PAX7: variants seen among roughly 807,000 people sequenced by gnomAD.
The protein encoded by PAX7 is paired box protein Pax-7.
Under a neutral mutation model 50.7 loss-of-function variants are expected in PAX7, and 18 were observed. The ratio of observed to expected loss-of-function variants is 0.36; its 90% CI spans 0.25 to 0.53. The LOEUF is 0.53. Ranked by LOEUF, PAX7 falls within the 20% of genes least tolerant of loss-of-function variation. PAX7 has a pLI of 0.93. For synonymous variants in PAX7, 310 were observed against 290.4 expected (o/e 1.07, Z -0.69); for missense variants, 644 against 702.9 (o/e 0.92, Z 0.95).
At chr1:18,661,210 CA>C (rs1183427610) in intron 4 of PAX7, among the ~76,000 whole-genome samples, 1 of 152,078 alleles carries the variant, frequency 6.6e-6, no homozygotes, top group African/African-American at 2.4e-5. Flanking sequence ...GGTAGACAGG[CA>C]AACAGATATC....
intron 4 of PAX7, among the ~76,000 whole-genome samples, chr1:18,652,099 C>T (rs556793141): frequency 1.7e-4 from 25 of 150,298 alleles, no homozygotes; most frequent in African/African-American, 5.4e-4. Context: ...CGGGCAGCAG[C>T]GGAAAGGCTG....
At position 18,700,491 on chromosome 1, in the gene PAX7, A is replaced by G. The variant is rs1252661044; in HGVS notation, c.787-162A>G. On this transcript the variant is annotated intron_variant, in intron 5 of 8. Transcript: ENST00000420770. This position sits in a 1 kb window ranked among gnomAD's most constrained non-coding sequence, Gnocchi z 4.8. ...GGGCAGAATGGGGTCATACCTATGA[A>G]ATCACTCTGCAAAGCGTCCTGTGCT... is the stretch of plus-strand genomic sequence containing the variant. 1.3e-5 allele frequency among the ~76,000 whole-genome samples: 2 copies of G among 152,168 alleles called. No individual in the cohort carries two copies. Among genetic ancestry groups the G allele is most frequent in the African/African-American group, 4.8e-5 (2 of 41,444 alleles).
At position 18,735,724 on chromosome 1, in the gene PAX7, C is replaced by T; in HGVS notation, c.1248C>T (p.Ala416=). The change falls in exon 8 of 9, where the codon GCC becomes GCT. Residue 416 remains alanine, a synonymous_variant. Transcript: ENST00000420770. This position sits in a 1 kb window ranked among gnomAD's most constrained non-coding sequence, Gnocchi z 4.0. ...CGCTGCATGGCGGCCTGGACTCGGC[C>T]ACCTCCATCTCAGCCAGCTGCAGCC... is the stretch of plus-strand genomic sequence containing the variant. The part of the protein sequence containing the change: ...ISPLHGGLDS[A]TSISASCSQR... 1 of 1,614,112 alleles carries T rather than the reference C, an allele frequency of 6.2e-7. No homozygotes were observed. Among genetic ancestry groups the T allele is most frequent in the Non-Finnish European group, 8.5e-7 (1 of 1,180,018 alleles).
intron 4 of PAX7, among the ~76,000 whole-genome samples, chr1:18,681,288 G>T (rs2088896145): frequency 6.6e-6 from 1 of 150,908 alleles, no homozygotes; most frequent in Non-Finnish European, 1.5e-5. Context: ...ATTCACAGCT[G>T]CCACCCCTTC....
chr1:18,691,643 A>G, intron 4 of PAX7, 111 bp from the exon 5 acceptor site: 2 of 827,800 alleles, frequency 2.4e-6, no homozygotes, highest in South Asian at 3.4e-5. Context: ...ATCGAAGTGC[A>G]GTCATGGGTC....
intron 4 of PAX7, among the ~76,000 whole-genome samples, chr1:18,658,876 C>G (rs1469821877): frequency 1.3e-5 from 2 of 152,214 alleles, no homozygotes; most frequent in Admixed American, 1.3e-4. Flanking sequence ...CTTGCTCAAA[C>G]AAGCCAGGGT....
Position 18,725,418 on chromosome 1 carries a change from C to T in PAX7, c.1156-10214C>T, listed in dbSNP as rs372917301. Among the ~76,000 whole-genome samples the T allele has an allele frequency of 7.2e-5, 11 of 152,168 alleles. No individual in the cohort carries two copies. The East Asian group carries it at 2.1e-3, about 30-fold the overall frequency. ...AAGGAGGCCCTCCTCCCTCCCCTCT[C>T]CTTCCTCCCGCCTGCCCCTCCTCCC... On this transcript the variant is annotated intron_variant, in intron 7 of 8. Transcript: ENST00000420770.
At chr1:18,677,937 C>G (rs2088846570) in intron 4 of PAX7, among the ~76,000 whole-genome samples, 1 of 151,594 alleles carries the variant, frequency 6.6e-6, no homozygotes, top group Non-Finnish European at 1.5e-5. Flanking sequence ...CAAAAATTAG[C>G]CGGGCGTGGT....
Position 18,631,409 on chromosome 1 carries a change from TC to T in PAX7, c.-191del. The T allele has an allele frequency of 1.7e-6, 1 of 586,608 alleles. No individual in the cohort carries two copies. Among genetic ancestry groups the T allele is most frequent in the Non-Finnish European group, 3.1e-6 (1 of 325,574 alleles). The allele number at this position is 586,608 out of a possible 1,614,324, so 36.3% of individuals were successfully genotyped here. A position where few individuals can be genotyped will look rare whatever the true frequency, so the allele number is the denominator to read the frequency against. ...CAACCTCCACCCCACCTCACCCCCCTCCCCAGCTTCTGGACGCGTTTGACTG... is the reference window on the plus strand; with the variant it reads ...CAACCTCCACCCCACCTCACCCCCCTCCCAGCTTCTGGACGCGTTTGACTG... On this transcript the variant is annotated 5_prime_UTR_variant, in exon 1 of 9. Transcript: ENST00000420770.
chr1:18,695,685 C>T (rs1165054448), intron 5 of PAX7, among the ~76,000 whole-genome samples: 1 of 152,224 alleles, frequency 6.6e-6, no homozygotes, highest in African/African-American at 2.4e-5. Context: ...GGACCCATGA[C>T]TCCTTTCTCT....
chr1:18,639,395 A>T (rs1191981147), intron 4 of PAX7, among the ~76,000 whole-genome samples: 8 of 149,318 alleles, frequency 5.4e-5, no homozygotes, highest in East Asian at 2.0e-4. Flanking sequence ...GGCTGTTCAT[A>T]TTTTTTTTTT....
In PAX7 at chr1:18,743,397, G is replaced by A. The variant is rs575934018; in HGVS notation, c.1403-1417G>A. On this transcript the variant is annotated intron_variant, in intron 8 of 8. Coordinates refer to ENST00000420770, the MANE Select transcript of PAX7 (RefSeq NM_001135254.2). ...CTCCCTGGCCTCATCCTCAGGCCGT[G>A]CGTATCACCTTTTGGCTCCACCCAC... is the stretch of plus-strand genomic sequence containing the variant. 3.9e-5 allele frequency among the ~76,000 whole-genome samples: 6 copies of A among 152,340 alleles called. No homozygotes were observed. The South Asian group carries it at 1.2e-3, about 32-fold the overall frequency.
chr1:18,745,671 C>T lies in PAX7; in HGVS notation c.*742C>T, dbSNP rs893301286. ...GGGTGGGGCTTGTCAGCCGTGGGCCCGCCCAGGATACAAGGACCCAACTCA... is the reference window on the plus strand; with the variant it reads ...GGGTGGGGCTTGTCAGCCGTGGGCCTGCCCAGGATACAAGGACCCAACTCA... On this transcript the variant is annotated 3_prime_UTR_variant, in exon 9 of 9. Coordinates refer to ENST00000420770, the MANE Select transcript of PAX7 (RefSeq NM_001135254.2). The T allele has an allele frequency of 8.7e-6, 2 of 230,986 alleles. No homozygotes were observed. The highest frequency in any genetic ancestry group is 1.7e-5 in the Non-Finnish European group (2 of 116,754). The allele number at this position is 230,986 out of a possible 1,614,324, so 14.3% of individuals were successfully genotyped here.
At chr1:18,691,666 G>A (rs969494746) in intron 4 of PAX7, 88 bp from the exon 5 acceptor site, 19 of 1,177,120 alleles carry the variant, frequency 1.6e-5, no homozygotes, top group South Asian at 5.6e-5. Flanking sequence ...AGGTGGGCAC[G>A]AGTGTGCCTT....
intron 8 of PAX7, among the ~76,000 whole-genome samples, chr1:18,742,648 G>T (rs947730362): frequency 1.3e-5 from 2 of 152,194 alleles, no homozygotes; most frequent in African/African-American, 4.8e-5. Context: ...TACCAACTGG[G>T]AGCCTGGAGG....
Position 18,631,119 on chromosome 1 carries a change from A to T in PAX7, c.-485A>T, listed in dbSNP as rs1038374505. 1.3e-5 allele frequency: 3 copies of T among 231,576 alleles called. No homozygotes were observed. The highest frequency in any genetic ancestry group is 1.7e-5 in the Non-Finnish European group (2 of 117,160). 14.3% of individuals were successfully genotyped at this position (231,576 alleles called of 1,614,324 possible). On this transcript the variant is annotated 5_prime_UTR_variant, in exon 1 of 9. Transcript: ENST00000420770. ...ATAAATAAATACGAGAACGAAATCC[A>T]CTCCGCAGTCTCCGGGCTCGGAAAC...
intron 4 of PAX7, among the ~76,000 whole-genome samples, chr1:18,652,186 G>C (rs1398036236): frequency 6.6e-6 from 1 of 151,050 alleles, no homozygotes; most frequent in African/African-American, 2.4e-5. Context: ...TAGAGGGTGG[G>C]AGGGGAAGGG....
intron 4 of PAX7, among the ~76,000 whole-genome samples, chr1:18,668,908 C>A (rs1161658066): frequency 6.6e-6 from 1 of 152,192 alleles, no homozygotes; most frequent in Non-Finnish European, 1.5e-5. Flanking sequence ...TGGAGCAGGA[C>A]CCTGGCTGGT....
rs1361940974 is a variant in PAX7 at position 18,634,266 on chromosome 1, C to T, written c.86-37C>T. 5 of 1,541,098 alleles carry T rather than the reference C, an allele frequency of 3.2e-6. No homozygotes were observed. The highest frequency in any genetic ancestry group is 3.6e-6 in the Non-Finnish European group (4 of 1,120,794). Reference sequence around the variant, plus strand: ...GTGTCTGCTCTCCATCCTCACCCTGCACCTCTCTCCTTCTGCATCTCCCCT... The same window carrying T: ...GTGTCTGCTCTCCATCCTCACCCTGTACCTCTCTCCTTCTGCATCTCCCCT... On this transcript the variant is annotated intron_variant, in intron 1 of 8. Transcript: ENST00000420770. The surrounding 1 kb of genome is among the most constrained non-coding windows in gnomAD (Gnocchi z 4.0).
Sources: allele counts gnomAD v4.1 joint callset (sites outside exome capture counted in the v4.1 genomes callset), GRCh38; gene constraint gnomAD v4.1.1; non-coding constraint Gnocchi (gnomAD v3.1); transcripts MANE v1.5; gene names NCBI Gene and HGNC (gene_info 2026-07-23, HGNC 2026-07-21).